Variants in SPOCK1 observed in about 807,000 individuals in gnomAD.
SPOCK1 encodes the protein testican-1.
Under a neutral mutation model 55.3 loss-of-function variants are expected in SPOCK1, and 23 were observed. The observed-to-expected ratio is 0.42, with a 90% CI of 0.30 to 0.59. The LOEUF is 0.59. Ranked by LOEUF, SPOCK1 falls within the 20% of genes least tolerant of loss-of-function variation. The pLI, the probability that SPOCK1 is intolerant of heterozygous loss-of-function variation, is 0.22. For synonymous variants in SPOCK1, 226 were observed against 221.0 expected (o/e 1.02, Z -0.20); for missense variants, 499 against 552.5 (o/e 0.90, Z 0.97).
At chr5:137,030,674 G>C (rs767060225) in intron 6 of SPOCK1, among the ~76,000 whole-genome samples, 2 of 152,208 alleles carry the variant, frequency 1.3e-5, no homozygotes, top group Non-Finnish European at 2.9e-5. Context: ...CTTTTGGGCA[G>C]ATATGTTGGT....
At chr5:137,104,040 A>T (rs1228657912) in intron 5 of SPOCK1, among the ~76,000 whole-genome samples, 1 of 152,070 alleles carries the variant, frequency 6.6e-6, no homozygotes, top group Admixed American at 6.5e-5. Context: ...AACACATACA[A>T]CTTCATTTGT....
intron 3 of SPOCK1, among the ~76,000 whole-genome samples, chr5:137,146,283 C>T (rs189390221): frequency 6.9e-4 from 28 of 40,658 alleles, no homozygotes; most frequent in African/African-American, 2.8e-3. Context: ...CACAGGATTC[C>T]GGGAGGCACA....
intron 2 of SPOCK1, among the ~76,000 whole-genome samples, chr5:137,322,125 G>C (rs970656371): frequency 3.3e-5 from 5 of 151,926 alleles, no homozygotes; most frequent in Non-Finnish European, 5.9e-5. Flanking sequence ...GAACCCAGGA[G>C]TTCGAGACCA....
At chr5:137,284,520 C>T (rs754907104) in intron 2 of SPOCK1, among the ~76,000 whole-genome samples, 1 of 152,156 alleles carries the variant, frequency 6.6e-6, no homozygotes, top group Non-Finnish European at 1.5e-5. Context: ...TCCTAAGAGA[C>T]ATCTGGAAGG....
intron 3 of SPOCK1, among the ~76,000 whole-genome samples, chr5:137,216,469 C>T (rs896113746): frequency 3.3e-5 from 5 of 152,124 alleles, no homozygotes; most frequent in Admixed American, 3.3e-4. Context: ...CCGGCACTTT[C>T]GGAGGCCAAG....
chr5:137,163,656 T>A (rs191296701), intron 3 of SPOCK1, among the ~76,000 whole-genome samples: 1 of 152,202 alleles, frequency 6.6e-6, no homozygotes, highest in Non-Finnish European at 1.5e-5. Context: ...TTTGATGACA[T>A]AAAATAATTA....
At chr5:137,131,865 G>C (rs1426275927) in intron 4 of SPOCK1, among the ~76,000 whole-genome samples, 1 of 138,120 alleles carries the variant, frequency 7.2e-6, no homozygotes, top group Admixed American at 7.2e-5. Flanking sequence ...CCAGCTACTC[G>C]GGAGGCTGAG....
chr5:137,027,955 G>A (rs965697343), intron 6 of SPOCK1, among the ~76,000 whole-genome samples: 1 of 152,188 alleles, frequency 6.6e-6, no homozygotes, highest in Admixed American at 6.5e-5. Context: ...AGGCTCTGTG[G>A]TCAGAATAAA....
intron 5 of SPOCK1, among the ~76,000 whole-genome samples, chr5:137,105,985 G>A (rs779706810): frequency 3.9e-5 from 6 of 152,258 alleles, no homozygotes; most frequent in South Asian, 4.2e-4. Context: ...CGCTTAGTGG[G>A]CCCTCTCCTC....
intron 5 of SPOCK1, among the ~76,000 whole-genome samples, chr5:137,104,375 A>G (rs1239074137): frequency 6.6e-6 from 1 of 152,188 alleles, no homozygotes; most frequent in Non-Finnish European, 1.5e-5. Flanking sequence ...ACAGAACCAT[A>G]AGTCAATTAA....
At chr5:137,206,971 G>T (rs1755530220) in intron 3 of SPOCK1, among the ~76,000 whole-genome samples, 1 of 152,194 alleles carries the variant, frequency 6.6e-6, no homozygotes, top group Non-Finnish European at 1.5e-5. Context: ...GATTCCAGAG[G>T]CCACATGCTG....
At chr5:137,051,335 A>G (rs1009846722) in intron 6 of SPOCK1, among the ~76,000 whole-genome samples, 11 of 152,236 alleles carry the variant, frequency 7.2e-5, no homozygotes, top group East Asian at 3.8e-4. Context: ...AAAACAGGGC[A>G]TGTCTTACAG....
chr5:137,252,142 T>A (rs924986538), intron 3 of SPOCK1, among the ~76,000 whole-genome samples: 4 of 152,162 alleles, frequency 2.6e-5, no homozygotes, highest in African/African-American at 9.7e-5. Context: ...TCCAGGCTGG[T>A]CTCAAACTCC....
intron 2 of SPOCK1, among the ~76,000 whole-genome samples, chr5:137,338,804 G>A (rs1028476381): frequency 2.8e-4 from 42 of 152,222 alleles, no homozygotes; most frequent in Non-Finnish European, 4.6e-4. Context: ...TTTTTTGGCC[G>A]CATAAATGTC....
intron 2 of SPOCK1, among the ~76,000 whole-genome samples, chr5:137,428,998 A>T (rs1045536472): frequency 4.6e-5 from 7 of 152,178 alleles, no homozygotes; most frequent in Non-Finnish European, 7.3e-5. Flanking sequence ...ACAGACTTAC[A>T]TCTGATGATG....
chr5:137,478,396 G>C (rs1382877508), intron 2 of SPOCK1, among the ~76,000 whole-genome samples: 1 of 151,988 alleles, frequency 6.6e-6, no homozygotes, highest in Non-Finnish European at 1.5e-5. Flanking sequence ...GCCTGGCATT[G>C]GTATCCCAAA....
intron 3 of SPOCK1, among the ~76,000 whole-genome samples, chr5:137,172,813 C>T (rs2127059402): frequency 6.6e-6 from 1 of 152,214 alleles, no homozygotes; most frequent in Non-Finnish European, 1.5e-5. Flanking sequence ...TTACTGAGTG[C>T]CATACTTGGG....
At chr5:137,375,333 T>C (rs1440543173) in intron 2 of SPOCK1, among the ~76,000 whole-genome samples, 1 of 152,136 alleles carries the variant, frequency 6.6e-6, no homozygotes, top group Non-Finnish European at 1.5e-5. Flanking sequence ...GAAGAATATA[T>C]ACTGGATGAA....
intron 2 of SPOCK1, among the ~76,000 whole-genome samples, chr5:137,321,550 C>G (rs1757982235): frequency 6.6e-6 from 1 of 151,940 alleles, no homozygotes; most frequent in South Asian, 2.1e-4. Flanking sequence ...CAGGCCAAAA[C>G]AGAGTAGGAT....
Sources: allele counts gnomAD v4.1 joint callset (sites outside exome capture counted in the v4.1 genomes callset), GRCh38; gene constraint gnomAD v4.1.1; transcripts MANE v1.5; gene names NCBI Gene and HGNC (gene_info 2026-07-23, HGNC 2026-07-21).